Variants in JARID2 observed in about 807,000 individuals in gnomAD.
The protein encoded by JARID2 is jumonji and AT-rich interaction domain containing 2.
Under a neutral mutation model 125.6 loss-of-function variants are expected in JARID2, and 21 were observed. The ratio of observed to expected loss-of-function variants is 0.17; its 90% confidence interval spans 0.12 to 0.24. The LOEUF (loss-of-function observed/expected upper bound fraction) is 0.24. Ranked by LOEUF, JARID2 falls within the 10% of genes least tolerant of loss-of-function variation. The probability of loss-of-function intolerance (pLI) is 1.00; values close to 1 mark genes in which losing one functional copy is unlikely to be tolerated. For missense variants in JARID2, 1,303 were observed against 1,639.6 expected (o/e 0.79, Z 3.55); for synonymous variants, 736 against 661.6 (o/e 1.11, Z -1.73).
intron 2 of JARID2, among the ~76,000 whole-genome samples, chr6:15,394,486 C>G (rs142883306): frequency 1.3e-5 from 2 of 152,072 alleles, no homozygotes; most frequent in African/African-American, 4.8e-5. Flanking sequence ...TGTAGTACAG[C>G]TACTTGGGAG....
intron 3 of JARID2, among the ~76,000 whole-genome samples, chr6:15,416,871 G>C (rs368528004): frequency 1.3e-5 from 2 of 152,190 alleles, no homozygotes; most frequent in South Asian, 4.1e-4. Flanking sequence ...CTTGTAAAGT[G>C]TGTATTTGCC....
At chr6:15,392,500 CAG>C (rs1765061400) in intron 2 of JARID2, among the ~76,000 whole-genome samples, 1 of 152,010 alleles carries the variant, frequency 6.6e-6, no homozygotes, top group African/African-American at 2.4e-5. Flanking sequence ...CAGGGGACGA[CAG>C]AGGGATGAGG....
intron 1 of JARID2, among the ~76,000 whole-genome samples, chr6:15,273,247 G>T (rs866307734): frequency 3.3e-5 from 5 of 152,128 alleles, no homozygotes; most frequent in East Asian, 3.9e-4. Flanking sequence ...AATACACTTA[G>T]CGGGGCTCTC....
At chr6:15,406,279 CA>C (rs1765646198) in intron 2 of JARID2, among the ~76,000 whole-genome samples, 2 of 152,114 alleles carry the variant, frequency 1.3e-5, no homozygotes, top group South Asian at 4.1e-4. Flanking sequence ...ACTAAAATTA[CA>C]AAAATTAGCT....
chr6:15,413,010 T>TTTTG (rs1561845297), intron 3 of JARID2, among the ~76,000 whole-genome samples: 50 of 84,398 alleles, frequency 5.9e-4, no homozygotes, highest in Non-Finnish European at 1.1e-3. Context: ...GTGTTTTTGT[T>TTTTG]TTTTTTTTTT....
At chr6:15,451,921 A>G in intron 3 of JARID2, 85 bp from the exon 4 acceptor site, 1 of 1,299,098 alleles carries the variant, frequency 7.7e-7, no homozygotes, top group Admixed American at 2.4e-5. Flanking sequence ...TTTTCCCCTT[A>G]TGTGTCATGA....
rs531110824 is a variant in JARID2 at position 15,500,330 on chromosome 6, C to A, written c.1946-577C>A. ...GGTGTTGCTCTTTGCTCTGGAAATC[C>A]AGCAGGATGGAAAATAGACTTCCTT... is the stretch of plus-strand genomic sequence containing the variant. On this transcript the variant is annotated intron_variant, in intron 7 of 17. Coordinates refer to ENST00000341776, the MANE Select transcript of JARID2 (RefSeq NM_004973.4). 3.9e-5 allele frequency among the ~76,000 whole-genome samples: 6 copies of A among 152,326 alleles called. No individual in the cohort carries two copies. The East Asian group carries it at 1.2e-3, about 29-fold the overall frequency.
chr6:15,328,909 G>A (rs1762617332), intron 1 of JARID2, among the ~76,000 whole-genome samples: 1 of 152,252 alleles, frequency 6.6e-6, no homozygotes, highest in Non-Finnish European at 1.5e-5. Flanking sequence ...GTGGGGATGG[G>A]CATGGAGGCA....
intron 1 of JARID2, among the ~76,000 whole-genome samples, chr6:15,316,648 A>G (rs962735021): frequency 9.2e-5 from 14 of 152,036 alleles, no homozygotes; most frequent in Admixed American, 2.6e-4. Context: ...GATTACAGGC[A>G]CCCACCACCA....
At chr6:15,337,074 T>TCTCTCTTCCTGC (rs1186210056) in intron 1 of JARID2, among the ~76,000 whole-genome samples, 33 of 152,202 alleles carry the variant, frequency 2.2e-4, no homozygotes, top group Non-Finnish European at 3.5e-4. Flanking sequence ...TGCGAAACTG[T>TCTCTCTTCCTGC]CTCTCTTCCT....
At chr6:15,456,014 T>G (rs904218549) in intron 4 of JARID2, among the ~76,000 whole-genome samples, 13 of 152,232 alleles carry the variant, frequency 8.5e-5, no homozygotes, top group African/African-American at 2.7e-4. Flanking sequence ...GATTATGGAA[T>G]TTAGTTATGC....
intron 2 of JARID2, among the ~76,000 whole-genome samples, chr6:15,385,097 CT>C (rs1257422138): frequency 6.6e-6 from 1 of 152,332 alleles, no homozygotes; most frequent in East Asian, 1.9e-4. Flanking sequence ...TGCCTATGCT[CT>C]TAATGTGAAA....
chr6:15,464,132 A>G (rs1035714045), intron 4 of JARID2, among the ~76,000 whole-genome samples: 1 of 152,206 alleles, frequency 6.6e-6, no homozygotes, highest in African/African-American at 2.4e-5. Context: ...TTGGCATGAA[A>G]TAAGAGATGA....
At chr6:15,492,256 T>C (rs1184162202) in intron 6 of JARID2, among the ~76,000 whole-genome samples, 1 of 152,230 alleles carries the variant, frequency 6.6e-6, no homozygotes, top group East Asian at 1.9e-4. Flanking sequence ...TGTATAAAGC[T>C]GCTCAGCTGA....
At chr6:15,497,771 G>A (rs554135508) in intron 7 of JARID2, among the ~76,000 whole-genome samples, 4 of 152,258 alleles carry the variant, frequency 2.6e-5, no homozygotes, top group African/African-American at 7.2e-5. Context: ...AGCAGGGGCC[G>A]GGGGGCCAGT....
intron 15 of JARID2, 44 bp downstream of exon 15, chr6:15,513,089 G>A (rs762865270): frequency 6.2e-7 from 1 of 1,611,742 alleles, no homozygotes; most frequent in South Asian, 1.1e-5. Context: ...GGACCCGGCT[G>A]CCCTTCGGGG....
At chr6:15,273,543 AAT>A (rs1476148404) in intron 1 of JARID2, among the ~76,000 whole-genome samples, 1 of 152,224 alleles carries the variant, frequency 6.6e-6, no homozygotes, top group Non-Finnish European at 1.5e-5. Context: ...CTCTACTAAA[AAT>A]ACAAAATTAG....
At chr6:15,346,690 G>A (rs567948407) in intron 1 of JARID2, among the ~76,000 whole-genome samples, 1 of 151,702 alleles carries the variant, frequency 6.6e-6, no homozygotes, top group East Asian at 1.9e-4. Context: ...CTGGATGCTT[G>A]TAGTGACCAG....
At chr6:15,300,720 TGTGAGAGAGAGAGAGAGA>T (rs1162970709) in intron 1 of JARID2, among the ~76,000 whole-genome samples, 1 of 130,100 alleles carries the variant, frequency 7.7e-6, no homozygotes, top group Non-Finnish European at 1.6e-5. Flanking sequence ...TGTGTGTGTG[TGTGAGAGAGAGAGAGAGA>T]GAGAGAGAGA....
Sources: allele counts gnomAD v4.1 joint callset (sites outside exome capture counted in the v4.1 genomes callset), GRCh38; gene constraint gnomAD v4.1.1; transcripts MANE v1.5; gene names NCBI Gene and HGNC (gene_info 2026-07-23, HGNC 2026-07-21).